Variants in GABRA3 observed in about 807,000 individuals in gnomAD.
GABRA3 encodes gamma-aminobutyric acid type A receptor subunit alpha3.
Under a neutral mutation model 30.1 loss-of-function variants are expected in GABRA3, and 10 were observed. That is an observed-to-expected ratio of 0.33 (90% CI 0.20 to 0.56). The LOEUF (loss-of-function observed/expected upper bound fraction) is 0.56. Among genes scored for constraint, GABRA3 ranks in the 20% least tolerant of loss-of-function variants. The pLI is 0.89. For missense variants in GABRA3, 233 were observed against 392.0 expected (o/e 0.59, Z 3.42); for synonymous variants, 151 against 146.8 (o/e 1.03, Z -0.21).
intron 5 of GABRA3, among the ~76,000 whole-genome samples, chrX:152,231,205 G>A (rs1938065531): frequency 9.5e-6 from 1 of 104,907 alleles, no homozygotes; most frequent in African/African-American, 3.4e-5. Context: ...ACATATATAT[G>A]TATATATATA....
chrX:152,238,648 T>C (rs1157522967), intron 5 of GABRA3, among the ~76,000 whole-genome samples: 6 of 109,402 alleles, frequency 5.5e-5, no homozygotes, highest in Non-Finnish European at 9.6e-5. Flanking sequence ...TGGTAAACTA[T>C]TGATTATTGC....
At chrX:152,434,488 T>G (rs1443737209) in intron 1 of GABRA3, among the ~76,000 whole-genome samples, 1 of 111,323 alleles carries the variant, frequency 9.0e-6, no homozygotes, top group African/African-American at 3.3e-5. Flanking sequence ...GAAAGAATAC[T>G]AATTCTACAC....
intron 9 of GABRA3, among the ~76,000 whole-genome samples, chrX:152,185,840 T>C (rs1455165484): frequency 1.8e-5 from 2 of 112,422 alleles, no homozygotes; most frequent in Non-Finnish European, 3.8e-5. Flanking sequence ...AGATTTGCAT[T>C]TTCTTCATAT....
At chrX:152,299,316 G>A (rs1018322279) in intron 3 of GABRA3, among the ~76,000 whole-genome samples, 2 of 111,427 alleles carry the variant, frequency 1.8e-5, no homozygotes, top group Non-Finnish European at 3.8e-5. Context: ...TCAGACCTGG[G>A]GATCTCCTTG....
chrX:152,192,837 G>A (rs1041174342), intron 8 of GABRA3, among the ~76,000 whole-genome samples: 7 of 111,407 alleles, frequency 6.3e-5, no homozygotes, highest in East Asian at 2.8e-4. Flanking sequence ...ACCCTTTATC[G>A]CAAACTCTTC....
chrX:152,224,899 C>T, intron 5 of GABRA3, 54 bp from the exon 6 acceptor site: 2 of 855,933 alleles, frequency 2.3e-6, no homozygotes, highest in Non-Finnish European at 3.4e-6. Flanking sequence ...TGTTATTAAA[C>T]ACAGGGCTGC....
chrX:152,443,583 G>A (rs1041677499), intron 1 of GABRA3, among the ~76,000 whole-genome samples: 4 of 111,324 alleles, frequency 3.6e-5, no homozygotes, highest in African/African-American at 1.3e-4. Context: ...AAAAATCCCC[G>A]GGCTTGAGGG....
At chrX:152,419,985 A>G (rs921016763) in intron 1 of GABRA3, among the ~76,000 whole-genome samples, 1 of 111,864 alleles carries the variant, frequency 8.9e-6, no homozygotes, top group Non-Finnish European at 1.9e-5. Flanking sequence ...AAAATCAGTC[A>G]ATGCAGTTCA....
At chrX:152,359,203 G>C (rs1023477557) in intron 2 of GABRA3, among the ~76,000 whole-genome samples, 9 of 111,152 alleles carry the variant, frequency 8.1e-5, no homozygotes, top group Admixed American at 5.7e-4. Context: ...TTTTCGGATT[G>C]GTAGGCTTTT....
At chrX:152,394,001 G>C (rs1929572787) in intron 1 of GABRA3, among the ~76,000 whole-genome samples, 1 of 111,197 alleles carries the variant, frequency 9.0e-6, no homozygotes, top group Admixed American at 9.6e-5. Flanking sequence ...TATTATACAC[G>C]ATCAAGGGAC....
At chrX:152,244,288 A>G (rs898479934) in intron 5 of GABRA3, among the ~76,000 whole-genome samples, 1 of 111,916 alleles carries the variant, frequency 8.9e-6, no homozygotes, top group Non-Finnish European at 1.9e-5. Context: ...TGTGGTCTGA[A>G]TGTTTGTGTC....
At chrX:152,234,563 G>C (rs757710019) in intron 5 of GABRA3, among the ~76,000 whole-genome samples, 1 of 111,559 alleles carries the variant, frequency 9.0e-6, no homozygotes, top group East Asian at 2.8e-4. Context: ...ATGATCAGTA[G>C]AGTTTTTCTA....
chrX:152,265,540 AAAGG>A (rs1397809933), intron 4 of GABRA3, among the ~76,000 whole-genome samples: 2 of 111,678 alleles, frequency 1.8e-5, no homozygotes, highest in East Asian at 5.6e-4. Flanking sequence ...CCTCTACCAA[AAAGG>A]AAGAAAAACT....
At chrX:152,308,128 G>T (rs954889937) in intron 3 of GABRA3, among the ~76,000 whole-genome samples, 1 of 112,498 alleles carries the variant, frequency 8.9e-6, no homozygotes, top group Non-Finnish European at 1.9e-5. Context: ...CTGCCTGGCT[G>T]CACCTACTTG....
At chrX:152,332,665 A>T (rs886752563) in intron 3 of GABRA3, among the ~76,000 whole-genome samples, 1 of 112,155 alleles carries the variant, frequency 8.9e-6, no homozygotes, top group African/African-American at 3.2e-5. Flanking sequence ...AACAACCGGC[A>T]GAGAACGGAC....
intron 3 of GABRA3, among the ~76,000 whole-genome samples, chrX:152,297,850 T>C (rs998794395): frequency 1.8e-5 from 2 of 112,437 alleles, no homozygotes; most frequent in African/African-American, 6.5e-5. Context: ...TCATTGCTCC[T>C]CGCTGCAAAT....
intron 1 of GABRA3, among the ~76,000 whole-genome samples, chrX:152,378,770 C>T (rs4828694): frequency 0.36 from 39,952 of 109,989 alleles, 5,308 homozygotes; most frequent in Admixed American, 0.44. Flanking sequence ...ACATATTGTT[C>T]ATGAGTCATA....
intron 3 of GABRA3, among the ~76,000 whole-genome samples, chrX:152,326,202 C>A: frequency 9.0e-6 from 1 of 111,174 alleles, no homozygotes; most frequent in Non-Finnish European, 1.9e-5. Flanking sequence ...TATGGGACTA[C>A]GTGAAAAGAC....
intron 1 of GABRA3, among the ~76,000 whole-genome samples, chrX:152,397,791 T>G (rs1027701507): frequency 8.9e-6 from 1 of 111,876 alleles, no homozygotes; most frequent in Admixed American, 9.5e-5. Context: ...GCACCATTTC[T>G]CACATTTATG....
Sources: allele counts gnomAD v4.1 joint callset (sites outside exome capture counted in the v4.1 genomes callset), GRCh38; gene constraint gnomAD v4.1.1; transcripts MANE v1.5; gene names NCBI Gene and HGNC (gene_info 2026-07-23, HGNC 2026-07-21).